The following SMARCA4 variants were observed in gnomAD, a reference collection of about 807,000 sequenced individuals.
SMARCA4 encodes the protein SWI/SNF related BAF chromatin remodeling complex subunit ATPase 4, also known as SWI/SNF-related matrix-associated actin-dependent regulator of chromatin subfamily A member 4.
A neutral mutation model predicts 193.9 loss-of-function variants in SMARCA4; 31 were observed. The observed-to-expected ratio is 0.16, with a 90% confidence interval of 0.12 to 0.22. The LOEUF (loss-of-function observed/expected upper bound fraction) is 0.22. Among genes scored for constraint, SMARCA4 ranks in the 10% least tolerant of loss-of-function variants. SMARCA4 has a pLI of 1.00. For missense variants in SMARCA4, 1,148 were observed against 2,296.0 expected (o/e 0.50, Z 10.22); for synonymous variants, 942 against 933.1 (o/e 1.01, Z -0.17).
At chr19:11,055,950 G>T (rs1568556384) in intron 30 of SMARCA4, among the ~76,000 whole-genome samples, 2 of 151,956 alleles carry the variant, frequency 1.3e-5, no homozygotes, top group South Asian at 4.2e-4. Flanking sequence ...AGAGACTATC[G>T]CATTGGGGTT....
At chr19:10,977,045 G>A (rs1371234036) in intron 1 of SMARCA4, among the ~76,000 whole-genome samples, 3 of 152,198 alleles carry the variant, frequency 2.0e-5, no homozygotes, top group Non-Finnish European at 4.4e-5. Context: ...GACAGAGCGA[G>A]ACTCTGTCTC....
At chr19:11,057,729 AAAAAAAC>A (rs953472568) in intron 30 of SMARCA4, among the ~76,000 whole-genome samples, 6 of 151,542 alleles carry the variant, frequency 4.0e-5, no homozygotes, top group African/African-American at 7.3e-5. Flanking sequence ...CTCTGTCTCA[AAAAAAAC>A]AAAAAACAAA....
rs1347646309 is a variant in SMARCA4, at chr19:11,033,264, GGAC to G, written c.3547-25_3547-23del. The G allele has an allele frequency of 3.3e-5, 53 of 1,590,036 alleles. No homozygotes were observed. The highest frequency in any genetic ancestry group is 4.6e-5 in the Non-Finnish European group (53 of 1,159,622). The stretch of plus-strand genomic sequence containing the variant: ...TTTTATGACCTCCTGGGCTCCTTTG[GGAC>G]TGACTGGCACCTCTTCCCCCAGGAC... On this transcript the variant is annotated intron_variant, in intron 25 of 34. Coordinates refer to ENST00000344626, the MANE Select transcript of SMARCA4 (RefSeq NM_003072.5). The surrounding 1 kb of genome is among the most constrained non-coding windows in gnomAD (Gnocchi z 9.8).
intron 20 of SMARCA4, 74 bp downstream of exon 20, chr19:11,023,705 AG>A: frequency 1.1e-6 from 1 of 912,138 alleles, no homozygotes; most frequent in Non-Finnish European, 1.8e-6. Flanking sequence ...GGGCGTGCTC[AG>A]GGCCTCTCCC....
At chr19:10,995,616 C>T in intron 9 of SMARCA4, 1 of 404,460 alleles carries the variant, frequency 2.5e-6, no homozygotes, top group East Asian at 7.2e-5. Flanking sequence ...AGGGAAGGAG[C>T]CCCAGGCAGT....
intron 30 of SMARCA4, among the ~76,000 whole-genome samples, chr19:11,055,617 T>C (rs55677033): frequency 0.38 from 57,618 of 151,934 alleles, 11,636 homozygotes; most frequent in African/African-American, 0.51. Context: ...TCCTGGGCTC[T>C]CTGCATAGGG....
At chr19:11,020,359 A>G (rs901213630) in intron 18 of SMARCA4, among the ~76,000 whole-genome samples, 2 of 151,550 alleles carry the variant, frequency 1.3e-5, no homozygotes, top group African/African-American at 4.9e-5. Context: ...ACCTGGTCTC[A>G]CCCCTAAACA....
chr19:10,971,395 C>T (rs2084658411), intron 1 of SMARCA4, among the ~76,000 whole-genome samples: 1 of 152,124 alleles, frequency 6.6e-6, no homozygotes, highest in Admixed American at 6.6e-5. Flanking sequence ...TGAGGTGTCC[C>T]AGGCTACCAT....
At chr19:10,993,464 A>G (rs2086732640) in intron 8 of SMARCA4, among the ~76,000 whole-genome samples, 2 of 152,186 alleles carry the variant, frequency 1.3e-5, no homozygotes, top group African/African-American at 4.8e-5. Flanking sequence ...TGGCTTGAAC[A>G]TTTTGGAGCT....
rs1292187087 is a variant in SMARCA4, at chr19:11,060,052, C to T, written c.4776C>T (p.Ser1592=). 8.3e-6 allele frequency: 13 copies of T among 1,562,390 alleles called. 1 individual carries two copies. Among genetic ancestry groups the T allele is most frequent in the South Asian group, 5.9e-5 (5 of 85,098 alleles). ...CCTCCCGGTCCCCTCCAGCTCGGTCCGTCAAAGTGAAGATCAAGCTTGGCC... is the reference window on the plus strand; with the variant it reads ...CCTCCCGGTCCCCTCCAGCTCGGTCTGTCAAAGTGAAGATCAAGCTTGGCC... The part of the protein sequence containing the change: ...EEEGSESESR[S]VKVKIKLGRK... The change falls in exon 34 of 35, where the codon TCC becomes TCT. Residue 1592 remains serine, a synonymous_variant. Coordinates refer to ENST00000344626, the MANE Select transcript of SMARCA4 (RefSeq NM_003072.5).
intron 16 of SMARCA4, among the ~76,000 whole-genome samples, chr19:11,018,039 G>A (rs2089519988): frequency 6.6e-6 from 1 of 152,266 alleles, no homozygotes; most frequent in East Asian, 1.9e-4. Flanking sequence ...GCGTCCTTCT[G>A]TCTATTGGCT....
chr19:10,984,027 T>C lies in SMARCA4; in HGVS notation c.-31-94T>C, dbSNP rs2085789430. On this transcript the variant is annotated intron_variant, in intron 1 of 34. Coordinates refer to ENST00000344626, the MANE Select transcript of SMARCA4 (RefSeq NM_003072.5). The surrounding 1 kb of genome is among the most constrained non-coding windows in gnomAD (Gnocchi z 4.3). ...GAAGGTACTGGCTTCCTGTGGGATG[T>C]AGATTCTGATGTGACCGTATGATTG... 3 of 914,104 alleles carry C rather than the reference T, an allele frequency of 3.3e-6. No individual in the cohort carries two copies. The highest frequency in any genetic ancestry group is 5.3e-6 in the Non-Finnish European group (3 of 568,050). 56.6% of individuals were successfully genotyped at this position (914,104 alleles called of 1,614,324 possible).
rs2146416613 is a variant in SMARCA4, at chr19:11,021,772, C to T, written c.2664C>T (p.Asn888=). 1 of 1,613,682 alleles carries T rather than the reference C, an allele frequency of 6.2e-7. No homozygotes were observed. Among genetic ancestry groups the T allele is most frequent in the Non-Finnish European group, 8.5e-7 (1 of 1,179,986 alleles). Reference sequence around the variant, plus strand: ...TGGACGAAGGTCACCGCATGAAGAACCACCACTGCAAGCTGACGCAGGTGC... The same window carrying T: ...TGGACGAAGGTCACCGCATGAAGAATCACCACTGCAAGCTGACGCAGGTGC... ...MIVDEGHRMK[N]HHCKLTQVLN... is the part of the protein sequence containing the mutation. Residue 888 remains asparagine (N), a synonymous_variant, in exon 19 of 35, where the codon AAC becomes AAT. Coordinates refer to ENST00000344626, the MANE Select transcript of SMARCA4 (RefSeq NM_003072.5).
intron 16 of SMARCA4, among the ~76,000 whole-genome samples, chr19:11,016,923 C>T (rs1416658228): frequency 6.6e-6 from 1 of 152,074 alleles, no homozygotes. Flanking sequence ...TCCAAGGAGC[C>T]CTGGTTTCCC....
intron 29 of SMARCA4, among the ~76,000 whole-genome samples, chr19:11,035,916 TTG>T (rs1440216380): frequency 2.0e-5 from 3 of 152,196 alleles, no homozygotes; most frequent in Non-Finnish European, 4.4e-5. Context: ...ATCCCTGAAG[TTG>T]TGTCATAAAA....
intron 30 of SMARCA4, among the ~76,000 whole-genome samples, chr19:11,046,254 C>T (rs915868073): frequency 5.9e-5 from 9 of 151,728 alleles, no homozygotes; most frequent in African/African-American, 1.7e-4. Flanking sequence ...AATCTTAACT[C>T]TTACTGCTAA....
intron 29 of SMARCA4, among the ~76,000 whole-genome samples, chr19:11,038,154 G>C (rs972842038): frequency 2.6e-5 from 4 of 152,166 alleles, no homozygotes. Flanking sequence ...GGGCAGGGCT[G>C]TGTTCCTTTC....
chr19:11,007,799 G>C (rs2146184465), intron 13 of SMARCA4, 103 bp from the exon 14 acceptor site: 2 of 1,157,758 alleles, frequency 1.7e-6, no homozygotes, highest in South Asian at 2.5e-5. Flanking sequence ...GGGGGTGAGG[G>C]CTGTAAGAAG....
Position 10,989,522 on chromosome 19 carries a change from G to A in SMARCA4, c.1245+79G>A, listed in dbSNP as rs1019021901. 4 of 1,552,236 alleles carry A rather than the reference G, an allele frequency of 2.6e-6. No homozygotes were observed. In the East Asian group the frequency reaches 6.8e-5, roughly 26 times the overall value. On this transcript the variant is annotated intron_variant, in intron 7 of 34. Transcript: ENST00000344626. ...GCTGCTAAGGCTCCAAATACGGCTT[G>A]CCTGGCTAGTATTACACCTGCCTGG... is the stretch of plus-strand genomic sequence containing the variant.
Sources: gnomAD v4.1 joint callset for allele counts (sites outside exome capture counted in the v4.1 genomes callset) on GRCh38, gnomAD v4.1.1 for gene constraint, Gnocchi (gnomAD v3.1) non-coding constraint, MANE v1.5 for transcripts, NCBI Gene and HGNC (gene_info 2026-07-23, HGNC 2026-07-21) for gene names.